The following NGLY1 variants were observed in gnomAD, a reference collection of about 807,000 sequenced individuals.
The protein encoded by NGLY1 is peptide-N(4)-(N-acetyl-beta-glucosaminyl)asparagine amidase.
A neutral mutation model predicts 84.6 loss-of-function variants in NGLY1; 68 were observed. That is an observed-to-expected ratio of 0.80 (90% CI 0.66 to 0.98). The LOEUF is 0.98. Among genes scored for constraint, NGLY1 ranks in the 50% least tolerant of loss-of-function variants. The pLI is 0.00. For synonymous variants in NGLY1, 280 were observed against 275.2 expected, an observed-to-expected ratio of 1.02 and a Z score of -0.17; for missense variants, 779 against 770.2, an observed-to-expected ratio of 1.01 and a Z score of -0.14.
At chr3:25,740,748 A>G (rs1056405830) in intron 4 of NGLY1, among the ~76,000 whole-genome samples, 9 of 152,184 alleles carry the variant, frequency 5.9e-5, no homozygotes, top group African/African-American at 1.7e-4. Context: ...GGAAAACTCA[A>G]TATTTCTAAA....
intron 2 of NGLY1, among the ~76,000 whole-genome samples, chr3:25,765,239 T>C (rs1000431293): frequency 1.3e-5 from 2 of 152,044 alleles, no homozygotes; most frequent in African/African-American, 4.8e-5. Flanking sequence ...ATGGGCAGAT[T>C]ACCTGAGGTC....
intron 2 of NGLY1, among the ~76,000 whole-genome samples, chr3:25,767,915 GC>G (rs1420185192): frequency 6.1e-5 from 4 of 65,576 alleles, no homozygotes; most frequent in African/African-American, 1.2e-4. Context: ...GAGCTGACCA[GC>G]CTGCTGGCCA....
At chr3:25,763,417 T>C (rs7615267) in intron 3 of NGLY1, among the ~76,000 whole-genome samples, 2,027 of 152,322 alleles carry the variant, frequency 0.013, 39 homozygotes, top group African/African-American at 0.046. Context: ...AGTGAGCTTC[T>C]GTAACTGTAC....
rs1559549935 is a variant in NGLY1, at chr3:25,760,880, A to AGCTCGCAT, written c.492+3185_492+3186insATGCGAGC. Among the ~76,000 whole-genome samples, 35 of 9,578 alleles carry AGCTCGCAT rather than the reference A, an allele frequency of 3.7e-3. 1 individual carries two copies. The highest frequency in any genetic ancestry group is 0.011 in the Non-Finnish European group (23 of 2,066). The allele number at this position is 9,578 out of a possible 152,430, so 6.3% of individuals were successfully genotyped here. ...TGTCTCAAAAAAAAAAAAAAAAAAA[A>AGCTCGCAT]AAAAAAAAAAAAAAAAAAAAAAAAA... On this transcript the variant is annotated intron_variant, in intron 3 of 11. Coordinates refer to ENST00000280700, the MANE Select transcript of NGLY1 (RefSeq NM_018297.4).
intron 3 of NGLY1, 86 bp from the exon 4 acceptor site, chr3:25,751,349 T>A (rs1706740728): frequency 8.8e-7 from 1 of 1,138,950 alleles, no homozygotes; most frequent in Non-Finnish European, 1.2e-6. Context: ...GTTTTATGAT[T>A]TTACAGATAG....
intron 2 of NGLY1, among the ~76,000 whole-genome samples, chr3:25,764,613 A>G (rs756365067): frequency 1.3e-5 from 2 of 151,344 alleles, no homozygotes; most frequent in South Asian, 4.1e-4. Context: ...AATAAGTCAG[A>G]AGGCCTCATA....
intron 8 of NGLY1, among the ~76,000 whole-genome samples, chr3:25,733,324 T>C (rs960652324): frequency 1.3e-5 from 2 of 152,156 alleles, no homozygotes; most frequent in Admixed American, 1.3e-4. Flanking sequence ...AACCCACATG[T>C]ATAGAGTTAA....
chr3:25,729,672 C>T lies in NGLY1; in HGVS notation c.1426-354G>A, dbSNP rs1297232187. ...GACTCCCAGCTTTCAACTCTTACCT[C>T]TCCTATCCATGCTCCACATAGCAAT... On this transcript the variant is annotated intron_variant, in intron 9 of 11. Coordinates refer to ENST00000280700, the MANE Select transcript of NGLY1 (RefSeq NM_018297.4). 4.4e-5 allele frequency: 7 copies of T among 160,318 alleles called. No homozygotes were observed. In the Admixed American group the frequency reaches 4.5e-4, roughly 10 times the overall value. 9.9% of individuals were successfully genotyped at this position (160,318 alleles called of 1,614,324 possible). A position where few individuals can be genotyped will look rare whatever the true frequency, so the allele number is the denominator to read the frequency against.
chr3:25,785,569 C>T (rs1218220834), upstream of NGLY1, among the ~76,000 whole-genome samples: 4 of 149,572 alleles, frequency 2.7e-5, no homozygotes, highest in Admixed American at 6.6e-5. Context: ...CATGGTGGCT[C>T]ACGCCTGTAA....
intron 3 of NGLY1, chr3:25,754,782 C>A: frequency 4.9e-6 from 1 of 203,500 alleles, no homozygotes; most frequent in East Asian, 1.2e-4. Context: ...TTAGAGATGA[C>A]TCGTGCTTTT....
chr3:25,725,935 C>T (rs1343747863), intron 10 of NGLY1, among the ~76,000 whole-genome samples: 3 of 152,228 alleles, frequency 2.0e-5, no homozygotes, highest in Non-Finnish European at 4.4e-5. Flanking sequence ...ATGTCTTTCA[C>T]TTTACCAGCT....
chr3:25,724,177 G>C (rs1422432670), intron 10 of NGLY1, among the ~76,000 whole-genome samples: 2 of 152,134 alleles, frequency 1.3e-5, no homozygotes, highest in African/African-American at 2.4e-5. Flanking sequence ...GGCTGCTATG[G>C]CTCCCTAGAG....
At chr3:25,745,822 T>C (rs965071688) in intron 4 of NGLY1, among the ~76,000 whole-genome samples, 5 of 152,334 alleles carry the variant, frequency 3.3e-5, no homozygotes, top group African/African-American at 9.6e-5. Context: ...AGAGTTTCAA[T>C]AGTCAATCCT....
Position 25,719,397 on chromosome 3 carries a change from G to T in NGLY1, c.*63C>A. Reference sequence around the variant, plus strand: ...GGTAACTGCCAACTAAGCATGCACTGAACCAACAGACTACTTCAGTAAGTC... The same window carrying T: ...GGTAACTGCCAACTAAGCATGCACTTAACCAACAGACTACTTCAGTAAGTC... On this transcript the variant is annotated 3_prime_UTR_variant, in exon 12 of 12. Transcript: ENST00000280700. The T allele has an allele frequency of 1.4e-6, 2 of 1,470,778 alleles. No individual in the cohort carries two copies. The highest frequency in any genetic ancestry group is 1.2e-5 in the South Asian group (1 of 82,242). The allele number at this position is 1,470,778 out of a possible 1,614,324, so 91.1% of individuals were successfully genotyped here. A position where few individuals can be genotyped will look rare whatever the true frequency, so the allele number is the denominator to read the frequency against.
Position 25,745,469 on chromosome 3 carries a change from C to T in NGLY1, c.658+5629G>A, listed in dbSNP as rs765748395. 8.5e-5 allele frequency among the ~76,000 whole-genome samples: 13 copies of T among 152,144 alleles called. 1 individual carries two copies. Among genetic ancestry groups the T allele is most frequent in the Non-Finnish European group, 1.5e-4 (10 of 68,022 alleles). On this transcript the variant is annotated intron_variant, in intron 4 of 11. Coordinates refer to ENST00000280700, the MANE Select transcript of NGLY1 (RefSeq NM_018297.4). ...CACTTGGCAGTCCAGATAGTAGGCA[C>T]CTCAACTCACTCTTCCTTTCCCTTT...
chr3:25,790,001 G>A (rs1708690303), exon 1 of NGLY1: 7 of 1,107,084 alleles, frequency 6.3e-6, no homozygotes, highest in Non-Finnish European at 9.4e-6. Flanking sequence ...AAGTCAACCG[G>A]CGGAAAGAGA....
At chr3:25,789,264 G>A (rs1451473456) in intron 1 of NGLY1, among the ~76,000 whole-genome samples, 2 of 151,916 alleles carry the variant, frequency 1.3e-5, no homozygotes, top group Non-Finnish European at 2.9e-5. Flanking sequence ...GACAATTTTT[G>A]AGCACTGTCT....
chr3:25,761,955 A>G (rs1707339961), intron 3 of NGLY1, among the ~76,000 whole-genome samples: 1 of 152,228 alleles, frequency 6.6e-6, no homozygotes, highest in South Asian at 2.1e-4. Flanking sequence ...ACAAAAGATT[A>G]CATACTATAA....
chr3:25,766,710 T>C (rs1361531094), intron 2 of NGLY1, among the ~76,000 whole-genome samples: 1 of 152,158 alleles, frequency 6.6e-6, no homozygotes, highest in Non-Finnish European at 1.5e-5. Flanking sequence ...CTCATAATGT[T>C]ACTGGAACAG....
Sources: allele counts gnomAD v4.1 joint callset (sites outside exome capture counted in the v4.1 genomes callset), GRCh38; gene constraint gnomAD v4.1.1; transcripts MANE v1.5; gene names NCBI Gene and HGNC (gene_info 2026-07-23, HGNC 2026-07-21).